Variants in ASAP1 observed in about 807,000 individuals in gnomAD.
ASAP1 encodes arf-GAP with SH3 domain, ANK repeat and PH domain-containing protein 1.
Under a neutral mutation model 145.2 loss-of-function variants are expected in ASAP1, and 43 were observed. The observed-to-expected ratio is 0.30, with a 90% CI of 0.23 to 0.38. The LOEUF is 0.38. Ranked by LOEUF, ASAP1 falls within the 10% of genes least tolerant of loss-of-function variation. The pLI, the probability that ASAP1 is intolerant of heterozygous loss-of-function variation, is 1.00. For synonymous variants in ASAP1, 546 were observed against 515.5 expected, an observed-to-expected ratio of 1.06 and a Z score of -0.80; for missense variants, 1,018 against 1,355.3, an observed-to-expected ratio of 0.75 and a Z score of 3.91.
At position 130,152,686 on chromosome 8, in the gene ASAP1, G is replaced by GT. The variant is rs561048772; in HGVS notation, c.1080+49dup. On this transcript the variant is annotated intron_variant, in intron 13 of 29. Coordinates refer to ENST00000518721, the MANE Select transcript of ASAP1 (RefSeq NM_018482.4). The stretch of plus-strand genomic sequence containing the variant: ...AATTTTTACTGCTGAGTACATAATC[G>GT]TGTTTGCTTTCTGGCCCATGAGGCA... The GT allele has an allele frequency of 1.9e-3, 2,687 of 1,400,264 alleles. 11 individuals carry two copies. Among genetic ancestry groups the GT allele is most frequent in the Non-Finnish European group, 1.7e-3 (1,724 of 1,002,282 alleles). The allele number at this position is 1,400,264 out of a possible 1,614,324, so 86.7% of individuals were successfully genotyped here.
chr8:130,220,938 G>C (rs755114603), intron 4 of ASAP1, among the ~76,000 whole-genome samples: 1 of 152,100 alleles, frequency 6.6e-6, no homozygotes, highest in Non-Finnish European at 1.5e-5. Flanking sequence ...GAACAGCATG[G>C]GGGAACCACC....
intron 15 of ASAP1, among the ~76,000 whole-genome samples, chr8:130,128,843 T>G (rs574843389): frequency 8.1e-4 from 124 of 152,332 alleles, no homozygotes; most frequent in African/African-American, 2.8e-3. Context: ...AAATAATTTT[T>G]GGGTGACATT....
rs769646695 is a variant in ASAP1 at position 130,126,011 on chromosome 8, T to C, written c.1460A>G (p.His487Arg). 2 of 1,614,050 alleles carry C rather than the reference T, an allele frequency of 1.2e-6. No individual in the cohort carries two copies. The highest frequency in any genetic ancestry group is 1.7e-6 in the Non-Finnish European group (2 of 1,179,972). ...CSGIHREMGV[H>R]ISRIQSLELD... The stretch of plus-strand genomic sequence containing the variant: ...TTCCAAAGACTGAATGCGAGAAATA[T>C]GAACCCCCATTTCCCTATGGATGCC... The change falls in exon 17 of 30, where the codon CAT (histidine) becomes CGT (arginine). Residue 487 changes from histidine to arginine, a missense_variant. Physicochemically the swap from His to Arg is conservative, Grantham distance 29. Transcript: ENST00000518721.
chr8:130,271,303 C>T (rs1820571625), intron 3 of ASAP1, among the ~76,000 whole-genome samples: 1 of 152,212 alleles, frequency 6.6e-6, no homozygotes, highest in African/African-American at 2.4e-5. Context: ...GTACCTTCAA[C>T]CTCACTCTAC....
intron 3 of ASAP1, among the ~76,000 whole-genome samples, chr8:130,316,748 C>T (rs1435065336): frequency 6.6e-6 from 1 of 152,226 alleles, no homozygotes; most frequent in Non-Finnish European, 1.5e-5. Flanking sequence ...ACGCCACAAA[C>T]CTGGCATTCC....
intron 2 of ASAP1, among the ~76,000 whole-genome samples, chr8:130,383,376 C>T (rs538555534): frequency 6.6e-6 from 1 of 152,302 alleles, no homozygotes; most frequent in Admixed American, 6.5e-5. Flanking sequence ...AGCCAGGAGT[C>T]TGTAAGCACA....
intron 9 of ASAP1, among the ~76,000 whole-genome samples, chr8:130,175,897 ATTC>A (rs1813917072): frequency 6.6e-6 from 1 of 152,216 alleles, no homozygotes; most frequent in African/African-American, 2.4e-5. Flanking sequence ...GTTAGCTATT[ATTC>A]TTATTATCTG....
chr8:130,252,908 G>A (rs770838117), intron 3 of ASAP1, among the ~76,000 whole-genome samples: 7 of 151,704 alleles, frequency 4.6e-5, no homozygotes, highest in Non-Finnish European at 1.0e-4. Flanking sequence ...ATCTTTTCAG[G>A]ACAGTAAGAA....
chr8:130,128,529 T>G (rs1272589287), intron 15 of ASAP1, among the ~76,000 whole-genome samples: 1 of 152,202 alleles, frequency 6.6e-6, no homozygotes, highest in African/African-American at 2.4e-5. Flanking sequence ...GCAAAAGGTA[T>G]GTATTTTCTG....
chr8:130,313,817 A>G (rs1823501903), intron 3 of ASAP1, among the ~76,000 whole-genome samples: 1 of 152,186 alleles, frequency 6.6e-6, no homozygotes, highest in East Asian at 1.9e-4. Context: ...AACAGTCTTT[A>G]CTGGGGGAAA....
chr8:130,240,532 G>A (rs938518582), intron 3 of ASAP1, among the ~76,000 whole-genome samples: 10 of 152,058 alleles, frequency 6.6e-5, no homozygotes, highest in African/African-American at 2.4e-4. Flanking sequence ...AATTAAATAA[G>A]GGCTAAGAGA....
At chr8:130,196,995 T>G (rs1461394363) in intron 5 of ASAP1, among the ~76,000 whole-genome samples, 1 of 152,240 alleles carries the variant, frequency 6.6e-6, no homozygotes. Context: ...CAAGGTACTG[T>G]GATACAGAGC....
chr8:130,387,005 AC>A (rs1828049480), intron 2 of ASAP1: 1 of 152,354 alleles, frequency 6.6e-6, no homozygotes, highest in Non-Finnish European at 1.5e-5. Flanking sequence ...ATGGTGACTC[AC>A]AAAAAGTTAT....
intron 3 of ASAP1, 23 bp downstream of exon 3, chr8:130,357,994 G>A (rs1215653401): frequency 1.9e-6 from 3 of 1,593,648 alleles, no homozygotes; most frequent in Non-Finnish European, 2.6e-6. Flanking sequence ...AGCGTGGACG[G>A]CGGGGGTCCC....
chr8:130,300,699 C>T (rs1232105622), intron 3 of ASAP1, among the ~76,000 whole-genome samples: 1 of 152,194 alleles, frequency 6.6e-6, no homozygotes, highest in Non-Finnish European at 1.5e-5. Flanking sequence ...CAGAAAGCTG[C>T]ACATTAATTT....
intron 2 of ASAP1, chr8:130,361,834 G>T: frequency 2.5e-6 from 3 of 1,190,706 alleles, no homozygotes; most frequent in Admixed American, 2.0e-5. Flanking sequence ...GTGTGGAGCT[G>T]CCCCGAAATA....
chr8:130,298,289 A>G (rs2137386010), intron 3 of ASAP1, among the ~76,000 whole-genome samples: 1 of 152,352 alleles, frequency 6.6e-6, no homozygotes, highest in South Asian at 2.1e-4. Flanking sequence ...TCTTTTCAAC[A>G]TGATGTACAA....
At chr8:130,443,123 C>A (rs888991205) in intron 1 of ASAP1, among the ~76,000 whole-genome samples, 2 of 152,016 alleles carry the variant, frequency 1.3e-5, no homozygotes, top group African/African-American at 4.8e-5. Flanking sequence ...CCCGGGCCCT[C>A]CCCCGGAGGG....
intron 3 of ASAP1, among the ~76,000 whole-genome samples, chr8:130,282,059 ACT>A (rs1288055320): frequency 1.4e-5 from 2 of 142,712 alleles, no homozygotes; most frequent in Non-Finnish European, 3.1e-5. Context: ...ACAGTGCAAG[ACT>A]CTGCCTCGAA....
Sources: gnomAD v4.1 joint callset for allele counts (sites outside exome capture counted in the v4.1 genomes callset) on GRCh38, gnomAD v4.1.1 for gene constraint, MANE v1.5 for transcripts, NCBI Gene and HGNC (gene_info 2026-07-23, HGNC 2026-07-21) for gene names.